PDGFRL: variants seen among roughly 807,000 people sequenced by gnomAD.
PDGFRL encodes the protein platelet-derived growth factor receptor-like protein.
In PDGFRL, 46 loss-of-function variants were observed where a neutral mutation model predicts 37.2. That is an observed-to-expected ratio of 1.24 (90% CI 0.98 to 1.58). The LOEUF (loss-of-function observed/expected upper bound fraction) is 1.58, where lower values mean the gene tolerates loss of function less well. Among genes scored for constraint, PDGFRL ranks in the 40% most tolerant of loss-of-function variants. PDGFRL has a pLI of 0.00. For missense variants in PDGFRL, 692 were observed against 467.6 expected (o/e 1.48, Z -4.43); for synonymous variants, 251 against 184.3 (o/e 1.36, Z -2.93).
At chr8:17,622,531 C>G (rs1476839750) in intron 3 of PDGFRL, among the ~76,000 whole-genome samples, 2 of 152,210 alleles carry the variant, frequency 1.3e-5, no homozygotes, top group East Asian at 3.9e-4. Flanking sequence ...TAGCTCCTCT[C>G]TGGCAAGGAG....
chr8:17,578,097 T>C (rs536030127), intron 1 of PDGFRL, among the ~76,000 whole-genome samples: 1 of 152,160 alleles, frequency 6.6e-6, no homozygotes, highest in African/African-American at 2.4e-5. Flanking sequence ...TATATATTAT[T>C]GTTAGCATTT....
intron 5 of PDGFRL, among the ~76,000 whole-genome samples, chr8:17,638,275 A>G (rs1481429716): frequency 2.6e-5 from 4 of 152,154 alleles, no homozygotes; most frequent in East Asian, 3.9e-4. Flanking sequence ...ATAATTTTTT[A>G]ACTTCCATCG....
At chr8:17,630,661 G>A (rs1225481500) in intron 4 of PDGFRL, among the ~76,000 whole-genome samples, 1 of 152,176 alleles carries the variant, frequency 6.6e-6, no homozygotes, top group Non-Finnish European at 1.5e-5. Context: ...TCCCTGCTGG[G>A]GCACCAGGTT....
rs71729974 is a variant in PDGFRL, at chr8:17,590,888, A to ATT, written c.353+1134_353+1135dup. 3.5e-5 allele frequency among the ~76,000 whole-genome samples: 5 copies of ATT among 143,080 alleles called. 2 individuals carry two copies. Among genetic ancestry groups the ATT allele is most frequent in the Non-Finnish European group, 6.0e-5 (4 of 66,158 alleles). The allele number at this position is 143,080 out of a possible 152,430, so 93.9% of individuals were successfully genotyped here. On this transcript the variant is annotated intron_variant, in intron 2 of 5. Transcript: ENST00000251630. ...CTTCTCATTATTATTATTATTATTA[A>ATT]TTTTTTTTTTTTGAGACGGAGTCTC...
intron 2 of PDGFRL, among the ~76,000 whole-genome samples, chr8:17,613,644 G>A (rs982657242): frequency 2.0e-5 from 3 of 152,310 alleles, no homozygotes; most frequent in South Asian, 4.1e-4. Context: ...TTGGGAGGCC[G>A]AGGCAGGTGG....
At chr8:17,578,797 C>A (rs537752382) in intron 1 of PDGFRL, among the ~76,000 whole-genome samples, 42 of 152,284 alleles carry the variant, frequency 2.8e-4, no homozygotes, top group Admixed American at 8.5e-4. Flanking sequence ...GTAATCCATA[C>A]AAACAATAAG....
At chr8:17,616,268 C>A (rs748378769) in intron 2 of PDGFRL, among the ~76,000 whole-genome samples, 1 of 152,036 alleles carries the variant, frequency 6.6e-6, no homozygotes, top group African/African-American at 2.4e-5. Flanking sequence ...AATCTCAGCT[C>A]ACTGCAACCT....
intron 5 of PDGFRL, among the ~76,000 whole-genome samples, chr8:17,639,574 T>G (rs1805049389): frequency 6.6e-6 from 1 of 152,148 alleles, no homozygotes. Flanking sequence ...AGATGATGAT[T>G]CTTTTGTTTA....
At chr8:17,585,289 G>A (rs1444524530) in intron 1 of PDGFRL, among the ~76,000 whole-genome samples, 1 of 152,098 alleles carries the variant, frequency 6.6e-6, no homozygotes, top group Non-Finnish European at 1.5e-5. Flanking sequence ...ATCCTGTGAC[G>A]AATGCCTTTA....
At chr8:17,590,540 C>T (rs910085869) in intron 2 of PDGFRL, among the ~76,000 whole-genome samples, 10 of 151,812 alleles carry the variant, frequency 6.6e-5, no homozygotes, top group Non-Finnish European at 1.5e-4. Flanking sequence ...GGTGAAACCC[C>T]GTCTCTACAA....
At chr8:17,637,630 A>G (rs1449265499) in intron 5 of PDGFRL, among the ~76,000 whole-genome samples, 1 of 152,166 alleles carries the variant, frequency 6.6e-6, no homozygotes, top group Non-Finnish European at 1.5e-5. Flanking sequence ...TTGTGAAATA[A>G]TGTTGATAGG....
At chr8:17,618,607 A>AG (rs1170056823) in intron 2 of PDGFRL, among the ~76,000 whole-genome samples, 1 of 152,172 alleles carries the variant, frequency 6.6e-6, no homozygotes, top group Non-Finnish European at 1.5e-5. Context: ...TGTGGGTTTC[A>AG]GGGAAGTCAT....
intron 2 of PDGFRL, among the ~76,000 whole-genome samples, chr8:17,619,888 T>C (rs1174020814): frequency 6.6e-6 from 1 of 152,188 alleles, no homozygotes; most frequent in African/African-American, 2.4e-5. Flanking sequence ...GAAGAGGAAT[T>C]CTCTTTGACA....
intron 2 of PDGFRL, among the ~76,000 whole-genome samples, chr8:17,601,922 T>G (rs1358435157): frequency 6.6e-6 from 1 of 152,236 alleles, no homozygotes; most frequent in Non-Finnish European, 1.5e-5. Context: ...TAGTGCTGCA[T>G]GAACATAGGA....
chr8:17,594,442 T>G (rs964077934), intron 2 of PDGFRL, among the ~76,000 whole-genome samples: 47 of 152,124 alleles, frequency 3.1e-4, no homozygotes, highest in African/African-American at 1.1e-3. Context: ...GGTTTCACTA[T>G]GATGGCCAGG....
At chr8:17,632,343 AT>A (rs35632965) in intron 4 of PDGFRL, among the ~76,000 whole-genome samples, 29,104 of 144,622 alleles carry the variant, frequency 0.2, 3,293 homozygotes, top group African/African-American at 0.31. Context: ...ACTGTAGCTG[AT>A]TTTTTTTTTT....
intron 3 of PDGFRL, among the ~76,000 whole-genome samples, chr8:17,622,893 G>T (rs192498696): frequency 5.1e-4 from 77 of 152,162 alleles, no homozygotes; most frequent in African/African-American, 1.8e-3. Context: ...GTCACTCCAC[G>T]TTGATTTATT....
intron 2 of PDGFRL, among the ~76,000 whole-genome samples, chr8:17,592,720 C>T (rs915502794): frequency 6.6e-6 from 1 of 152,178 alleles, no homozygotes. Flanking sequence ...ATGGCAGGCC[C>T]CCCCAGCTAT....
chr8:17,613,704 CCT>C (rs1365284521), intron 2 of PDGFRL, among the ~76,000 whole-genome samples: 6 of 152,048 alleles, frequency 3.9e-5, no homozygotes, highest in Non-Finnish European at 5.9e-5. Flanking sequence ...GTAGGAAGCC[CCT>C]GTCTCTACAG....
Sources: gnomAD v4.1 joint callset for allele counts (sites outside exome capture counted in the v4.1 genomes callset) on GRCh38, gnomAD v4.1.1 for gene constraint, MANE v1.5 for transcripts, NCBI Gene and HGNC (gene_info 2026-07-23, HGNC 2026-07-21) for gene names.